The following INSL6 variants were observed in gnomAD, a reference collection of about 807,000 sequenced individuals.
The protein encoded by INSL6 is insulin like 6.
INSL6 carries 16 observed loss-of-function variants against 9.4 expected under a neutral mutation model. The observed-to-expected ratio is 1.70, with a 90% confidence interval of 1.15 to 2.59. The LOEUF (loss-of-function observed/expected upper bound fraction) is 2.59. INSL6 is among the 30% of genes most tolerant of loss of function. The pLI, the probability that INSL6 is intolerant of heterozygous loss-of-function variation, is 0.00. For missense variants in INSL6, 391 were observed against 257.3 expected, an observed-to-expected ratio of 1.52 and a Z score of -3.56; for synonymous variants, 154 against 96.9, an observed-to-expected ratio of 1.59 and a Z score of -3.46.
chr9:5,159,177 T>C (rs1027905470), downstream of INSL6, among the ~76,000 whole-genome samples: 2 of 151,824 alleles, frequency 1.3e-5, no homozygotes, highest in Non-Finnish European at 2.9e-5. Context: ...AATAAAAATA[T>C]ACCAACCAAG....
At chr9:5,034,002 C>A in the INSL6 span, among the ~76,000 whole-genome samples, 2 of 152,116 alleles carry the variant, frequency 1.3e-5, no homozygotes, top group Non-Finnish European at 1.5e-5. Context: ...ACCCATCTCA[C>A]GTGCAGAGAC....
At chr9:5,004,001 TAA>T in the INSL6 span, among the ~76,000 whole-genome samples, 4 of 152,156 alleles carry the variant, frequency 2.6e-5, no homozygotes, top group Admixed American at 2.6e-4. Flanking sequence ...ATTGACTATT[TAA>T]AAAATTTTTT....
At chr9:5,123,151 TTTTG>T (rs763523288), downstream of INSL6, 90 of 1,438,550 alleles carry the variant, frequency 6.3e-5, no homozygotes, top group Non-Finnish European at 7.8e-5. Context: ...ACTTTCAGTT[TTTTG>T]TTTGTTCGTT....
the INSL6 span, among the ~76,000 whole-genome samples, chr9:5,015,350 C>G: frequency 6.6e-6 from 1 of 152,126 alleles, no homozygotes; most frequent in Non-Finnish European, 1.5e-5. Context: ...AAAACCTATT[C>G]AAGGGTTTAA....
downstream of INSL6, among the ~76,000 whole-genome samples, chr9:5,160,145 C>T (rs1824894900): frequency 6.8e-6 from 1 of 146,104 alleles, no homozygotes; most frequent in Admixed American, 7.0e-5. Flanking sequence ...CATAGCACTC[C>T]AGCCTGGGCA....
At chr9:4,993,969 C>G in the INSL6 span, among the ~76,000 whole-genome samples, 5 of 152,094 alleles carry the variant, frequency 3.3e-5, no homozygotes, top group African/African-American at 1.2e-4. Flanking sequence ...GATGAGTGTG[C>G]CTTGCAGTGG....
intron 3 of INSL6, among the ~76,000 whole-genome samples, chr9:5,129,216 C>T (rs1221167810): frequency 6.6e-6 from 1 of 152,030 alleles, no homozygotes; most frequent in Non-Finnish European, 1.5e-5. Flanking sequence ...ATTATGTGCT[C>T]ACTTTATTGA....
the INSL6 span, chr9:5,081,695 T>C: frequency 1.3e-5 from 20 of 1,510,022 alleles, no homozygotes; most frequent in Admixed American, 1.5e-4. Flanking sequence ...ATTTGCTAAT[T>C]TAAGGTGATA....
chr9:5,017,659 T>C, the INSL6 span, among the ~76,000 whole-genome samples: 1 of 152,208 alleles, frequency 6.6e-6, no homozygotes, highest in Non-Finnish European at 1.5e-5. Context: ...CTGCATTTAA[T>C]ACTGACTATA....
chr9:5,037,779 C>G, the INSL6 span, among the ~76,000 whole-genome samples: 3 of 152,086 alleles, frequency 2.0e-5, no homozygotes, highest in East Asian at 3.9e-4. Context: ...CTGGGTGCAG[C>G]ACACCAACAT....
intron 1 of INSL6, 89 bp from the exon 2 acceptor site, chr9:5,164,354 A>T: frequency 1.3e-6 from 1 of 798,678 alleles, no homozygotes; most frequent in Non-Finnish European, 2.0e-6. Context: ...TCAGCTAATT[A>T]TTAAAAAACA....
chr9:5,135,605 T>C (rs1473364218), intron 2 of INSL6, among the ~76,000 whole-genome samples: 2 of 152,094 alleles, frequency 1.3e-5, no homozygotes, highest in African/African-American at 4.8e-5. Flanking sequence ...CCAGAATCTC[T>C]AGGACACATT....
the INSL6 span, chr9:5,112,779 G>A: frequency 1.7e-6 from 1 of 583,830 alleles, no homozygotes; most frequent in Non-Finnish European, 2.7e-6. Context: ...GTGTTCGGAG[G>A]CCCCCAGATG....
chr9:5,122,952 A>C (rs575157360), downstream of INSL6: 2 of 1,123,438 alleles, frequency 1.8e-6, no homozygotes, highest in South Asian at 3.0e-5. Context: ...GGTAAAATCA[A>C]GAGTCCACAT....
the INSL6 span, among the ~76,000 whole-genome samples, chr9:5,016,683 C>G: frequency 6.6e-6 from 1 of 152,120 alleles, no homozygotes; most frequent in Non-Finnish European, 1.5e-5. Context: ...TAGAGTATCA[C>G]CTGAATTACT....
intron 2 of INSL6, among the ~76,000 whole-genome samples, chr9:5,141,377 T>G (rs1336061246): frequency 6.6e-6 from 1 of 152,110 alleles, no homozygotes; most frequent in Non-Finnish European, 1.5e-5. Context: ...GTGTTTTGAC[T>G]TTTTAATCAT....
the INSL6 span, among the ~76,000 whole-genome samples, chr9:5,013,064 G>GA: frequency 6.6e-6 from 1 of 152,070 alleles, no homozygotes. Flanking sequence ...ATATAGGGGT[G>GA]AAAAAAGAGA....
intron 3 of INSL6, among the ~76,000 whole-genome samples, chr9:5,125,468 C>T (rs924454527): frequency 3.3e-5 from 5 of 151,280 alleles, no homozygotes; most frequent in Admixed American, 1.3e-4. Flanking sequence ...CTTCAGTGAA[C>T]ATAGTGAACA....
chr9:5,010,493 A>G, the INSL6 span, among the ~76,000 whole-genome samples: 3 of 151,818 alleles, frequency 2.0e-5, no homozygotes, highest in East Asian at 5.8e-4. Flanking sequence ...GCTAATTTTT[A>G]TATTTTTAGT....
Sources: gnomAD v4.1 joint callset for allele counts (sites outside exome capture counted in the v4.1 genomes callset) on GRCh38, gnomAD v4.1.1 for gene constraint, MANE v1.5 for transcripts, NCBI Gene and HGNC (gene_info 2026-07-23, HGNC 2026-07-21) for gene names.